ARSG: variants seen among roughly 807,000 people sequenced by gnomAD.
ARSG encodes ASG.
A neutral mutation model predicts 50.5 loss-of-function variants in ARSG; 37 were observed. That is an observed-to-expected ratio of 0.73 (90% CI 0.56 to 0.96). The LOEUF (loss-of-function observed/expected upper bound fraction) is 0.96. ARSG is among the 50% of genes least tolerant of loss of function. The pLI is 0.00. For missense variants in ARSG, 629 were observed against 675.3 expected (o/e 0.93, Z 0.76); for synonymous variants, 225 against 254.6 (o/e 0.88, Z 1.11).
At chr17:68,260,255 C>A (rs2075051877) in intron 1 of ARSG, among the ~76,000 whole-genome samples, 1 of 152,160 alleles carries the variant, frequency 6.6e-6, no homozygotes, top group South Asian at 2.1e-4. Context: ...GGGATCAGAT[C>A]CCAAGTCTCC....
intron 1 of ARSG, among the ~76,000 whole-genome samples, chr17:68,272,341 A>G (rs1264708659): frequency 3.3e-5 from 5 of 152,236 alleles, no homozygotes; most frequent in African/African-American, 1.2e-4. Context: ...ACGAGAGGAC[A>G]TAACAGGTGA....
intron 1 of ARSG, among the ~76,000 whole-genome samples, chr17:68,294,775 C>T (rs139736053): frequency 0.025 from 3,818 of 152,276 alleles, 76 homozygotes; most frequent in Non-Finnish European, 0.032. Flanking sequence ...ACTCTGCCAT[C>T]TAGCAACAGT....
chr17:68,440,454 A>G, the ARSG span, among the ~76,000 whole-genome samples: 1 of 152,238 alleles, frequency 6.6e-6, no homozygotes, highest in South Asian at 2.1e-4. Context: ...TGTATAATAT[A>G]AAAGTGATGG....
chr17:68,368,329 T>C (rs1451645148), intron 6 of ARSG, among the ~76,000 whole-genome samples: 1 of 152,214 alleles, frequency 6.6e-6, no homozygotes, highest in Non-Finnish European at 1.5e-5. Flanking sequence ...TCTCAGTAAA[T>C]GATAAGGGAT....
At chr17:68,385,236 G>A in intron 9 of ARSG, 64 bp downstream of exon 9, 2 of 1,453,470 alleles carry the variant, frequency 1.4e-6, no homozygotes, top group Non-Finnish European at 1.9e-6. Flanking sequence ...GGAGGCATGG[G>A]TGGCTAGATG....
intron 1 of ARSG, among the ~76,000 whole-genome samples, chr17:68,296,988 A>G (rs1337718431): frequency 6.6e-6 from 1 of 152,194 alleles, no homozygotes; most frequent in Non-Finnish European, 1.5e-5. Flanking sequence ...TGTTCATGTT[A>G]CATGCACTCA....
In ARSG at chr17:68,308,789, C is replaced by T. The variant is rs182107041; in HGVS notation, c.218+1078C>T. ...AGTGCCGATTGGTGTATTTACAATC[C>T]CTGAGCTAGACATAAAGGTTCTCCA... On this transcript the variant is annotated intron_variant, in intron 2 of 11. Coordinates refer to ENST00000621439, the MANE Select transcript of ARSG (RefSeq NM_001267727.2). Among the ~76,000 whole-genome samples, 619 of 152,342 alleles carry T rather than the reference C, an allele frequency of 4.1e-3. 5 individuals are homozygous for T. The highest frequency in any genetic ancestry group is 0.034 in the Middle Eastern group (10 of 294).
chr17:68,354,149 A>G (rs781440375), intron 5 of ARSG, among the ~76,000 whole-genome samples: 34 of 151,030 alleles, frequency 2.3e-4, no homozygotes, highest in Admixed American at 7.3e-4. Context: ...AGCCAGGTGC[A>G]GTGGGTCACT....
intron 5 of ARSG, among the ~76,000 whole-genome samples, 190 bp downstream of exon 5, chr17:68,351,876 C>T (rs1250565661): frequency 6.6e-6 from 1 of 152,136 alleles, no homozygotes; most frequent in Admixed American, 6.6e-5. Flanking sequence ...ACGATGAGGT[C>T]CACAAAATTC....
chr17:68,382,742 G>GAC (rs1386083019), intron 8 of ARSG, among the ~76,000 whole-genome samples: 4 of 152,194 alleles, frequency 2.6e-5, no homozygotes, highest in Non-Finnish European at 5.9e-5. Context: ...CGCTGTTGGT[G>GAC]ACACATAAAT....
chr17:68,446,502 G>T, the ARSG span, among the ~76,000 whole-genome samples: 4 of 152,074 alleles, frequency 2.6e-5, no homozygotes, highest in Non-Finnish European at 5.9e-5. Context: ...TTTACCTAAG[G>T]CTCTGTCGTA....
chr17:68,331,013 G>T, intron 2 of ARSG, among the ~76,000 whole-genome samples: 1 of 140,768 alleles, frequency 7.1e-6, no homozygotes, highest in African/African-American at 2.7e-5. Context: ...GGGACAGAGT[G>T]TTACTCTGTC....
chr17:68,447,533 C>T, the ARSG span, among the ~76,000 whole-genome samples: 2 of 151,986 alleles, frequency 1.3e-5, no homozygotes, highest in Admixed American at 6.6e-5. Flanking sequence ...GGGCAAGTGC[C>T]ACCATGCCCA....
intron 2 of ARSG, among the ~76,000 whole-genome samples, chr17:68,342,556 C>T (rs1305640650): frequency 6.6e-6 from 1 of 151,958 alleles, no homozygotes; most frequent in African/African-American, 2.4e-5. Flanking sequence ...GACAGGGTTT[C>T]ACCATGTTGA....
At chr17:68,438,514 G>C in the ARSG span, among the ~76,000 whole-genome samples, 1 of 152,156 alleles carries the variant, frequency 6.6e-6, no homozygotes, top group Non-Finnish European at 1.5e-5. Context: ...GAAGACTGTG[G>C]AAATCTTACA....
intron 9 of ARSG, among the ~76,000 whole-genome samples, chr17:68,386,763 A>G (rs539499301): frequency 6.6e-6 from 1 of 152,302 alleles, no homozygotes; most frequent in South Asian, 2.1e-4. Flanking sequence ...CCGTCTCTCA[A>G]GTTGCTTCAC....
chr17:68,291,128 A>T (rs1366834389), upstream of ARSG: 2 of 152,164 alleles, frequency 1.3e-5, no homozygotes, highest in Non-Finnish European at 2.9e-5. Flanking sequence ...GGCTCCCAAT[A>T]AGGCGGAGGC....
At chr17:68,337,112 C>G (rs962346239) in intron 2 of ARSG, among the ~76,000 whole-genome samples, 1 of 152,038 alleles carries the variant, frequency 6.6e-6, no homozygotes, top group Non-Finnish European at 1.5e-5. Context: ...GATGGGTTCT[C>G]TGCTGGGATG....
chr17:68,358,415 G>A (rs908754802), intron 6 of ARSG, among the ~76,000 whole-genome samples: 2 of 151,952 alleles, frequency 1.3e-5, no homozygotes, highest in Non-Finnish European at 2.9e-5. Flanking sequence ...GTGGCTGGGC[G>A]CGGTGGCTCA....
Sources: gnomAD v4.1 joint callset for allele counts (sites outside exome capture counted in the v4.1 genomes callset) on GRCh38, gnomAD v4.1.1 for gene constraint, MANE v1.5 for transcripts, NCBI Gene and HGNC (gene_info 2026-07-23, HGNC 2026-07-21) for gene names.